ZNF569: variants seen among roughly 807,000 people sequenced by gnomAD.
ZNF569 encodes the protein zinc finger protein 569, also known as DNA-binding protein.
A neutral mutation model predicts 56.3 loss-of-function variants in ZNF569; 38 were observed. The ratio of observed to expected loss-of-function variants is 0.68; its 90% confidence interval spans 0.52 to 0.88. The LOEUF is 0.88. ZNF569 is among the 40% of genes least tolerant of loss of function. ZNF569 has a pLI of 0.00. For synonymous variants in ZNF569, 241 were observed against 262.9 expected (o/e 0.92, Z 0.81); for missense variants, 666 against 809.2 (o/e 0.82, Z 2.15).
intron 2 of ZNF569, among the ~76,000 whole-genome samples, chr19:37,447,234 A>G (rs2041512463): frequency 6.6e-6 from 1 of 152,202 alleles, no homozygotes; most frequent in Non-Finnish European, 1.5e-5. Context: ...CAGCAATCCC[A>G]CTCCTGGGTA....
intron 3 of ZNF569, among the ~76,000 whole-genome samples, chr19:37,433,093 T>C (rs547101656): frequency 6.6e-6 from 1 of 152,054 alleles, no homozygotes; most frequent in East Asian, 1.9e-4. Context: ...TTTGTAGAGA[T>C]GGTAGTCTCA....
At chr19:37,448,471 T>C (rs2041534662) in intron 2 of ZNF569, among the ~76,000 whole-genome samples, 1 of 152,012 alleles carries the variant, frequency 6.6e-6, no homozygotes, top group Non-Finnish European at 1.5e-5. Context: ...TCAACTTTTA[T>C]TGATCTTTTC....
chr19:37,412,392 T>C lies in ZNF569; in HGVS notation c.*205A>G. 1 of 790,466 alleles carries C rather than the reference T, an allele frequency of 1.3e-6. No individual in the cohort carries two copies. Among genetic ancestry groups the C allele is most frequent in the Non-Finnish European group, 1.8e-6 (1 of 566,728 alleles). 49.0% of individuals were successfully genotyped at this position (790,466 alleles called of 1,614,324 possible). On this transcript the variant is annotated 3_prime_UTR_variant, in exon 6 of 6. Coordinates refer to ENST00000316950, the MANE Select transcript of ZNF569 (RefSeq NM_152484.3). ...TGCTGATTAAATATTATCAATAAGA[T>C]GTCTGCTGAAAGTTTCTGGTAACAG...
intron 3 of ZNF569, among the ~76,000 whole-genome samples, chr19:37,441,383 T>C (rs777060732): frequency 6.6e-6 from 1 of 152,154 alleles, no homozygotes; most frequent in Admixed American, 6.5e-5. Flanking sequence ...AGGCTGGGCA[T>C]AGTGGCTCAT....
intron 3 of ZNF569, among the ~76,000 whole-genome samples, chr19:37,435,532 GAC>G (rs1294212053): frequency 6.6e-6 from 1 of 152,058 alleles, no homozygotes; most frequent in African/African-American, 2.4e-5. Context: ...CCAATCAAAA[GAC>G]AGAGTGGCTG....
At chr19:37,432,904 C>CTTTT (rs869051048) in intron 3 of ZNF569, among the ~76,000 whole-genome samples, 11 of 122,504 alleles carry the variant, frequency 9.0e-5, no homozygotes, top group African/African-American at 2.5e-4. Context: ...ATGCATCAGT[C>CTTTT]TTTTTTTTTT....
chr19:37,444,687 A>C (rs757080612), intron 3 of ZNF569, among the ~76,000 whole-genome samples: 1 of 152,196 alleles, frequency 6.6e-6, no homozygotes, highest in Non-Finnish European at 1.5e-5. Context: ...TACCTGTAAA[A>C]AGGAAATTTA....
At chr19:37,460,516 C>T (rs1233566618) in intron 2 of ZNF569, among the ~76,000 whole-genome samples, 4 of 150,814 alleles carry the variant, frequency 2.7e-5, no homozygotes, top group African/African-American at 4.9e-5. Flanking sequence ...AATTAGAAGA[C>T]AGATTGTCAG....
intron 3 of ZNF569, among the ~76,000 whole-genome samples, chr19:37,439,430 A>C (rs1337479241): frequency 6.6e-6 from 1 of 152,228 alleles, no homozygotes; most frequent in Non-Finnish European, 1.5e-5. Flanking sequence ...ATGTGGAGAA[A>C]AGGGAACCCT....
rs772759964 is a variant in ZNF569 at position 37,413,056 on chromosome 19, A to G, written c.1602T>C (p.Ile534=). The change falls in exon 6 of 6, where the codon ATT becomes ATC. Residue 534 remains isoleucine, a synonymous_variant. Coordinates refer to ENST00000316950, the MANE Select transcript of ZNF569 (RefSeq NM_152484.3). ...CNECGKAFSQ[I]ASLTLHLRSH... Reference sequence around the variant, plus strand: ...TTCTCAAATGAAGGGTAAGGGATGCAATTTGAGAGAAGGCTTTACCACATT... The same window carrying G: ...TTCTCAAATGAAGGGTAAGGGATGCGATTTGAGAGAAGGCTTTACCACATT... 1.2e-6 allele frequency: 2 copies of G among 1,613,506 alleles called. No individual in the cohort carries two copies. Among genetic ancestry groups the G allele is most frequent in the East Asian group, 4.5e-5 (2 of 44,798 alleles).
intron 5 of ZNF569, among the ~76,000 whole-genome samples, chr19:37,416,210 G>A (rs2040928413): frequency 6.8e-6 from 1 of 146,270 alleles, no homozygotes; most frequent in Non-Finnish European, 1.5e-5. Flanking sequence ...TAGCCTGGGG[G>A]AAAGATTAAG....
chr19:37,465,610 A>C (rs2041817716), intron 1 of ZNF569, 137 bp from the exon 2 acceptor site: 2 of 152,226 alleles, frequency 1.3e-5, no homozygotes, highest in Admixed American at 1.3e-4. Flanking sequence ...GAGGTTAACA[A>C]AGATTACTAC....
chr19:37,440,311 A>G lies in ZNF569; in HGVS notation c.15+4596T>C, dbSNP rs117573202. On this transcript the variant is annotated intron_variant, in intron 3 of 5. Transcript: ENST00000316950. ...AAAGAAGCCAGACACAAAAGGTCAC[A>G]TATTTTATTATTGTATATATATGAA... Among the ~76,000 whole-genome samples the G allele has an allele frequency of 6.3e-3, 955 of 152,330 alleles. 23 individuals are homozygous for G. The highest frequency in any genetic ancestry group is 0.052 in the East Asian group (271 of 5,190).
At chr19:37,428,122 A>T (rs1341396834) in intron 3 of ZNF569, among the ~76,000 whole-genome samples, 1 of 152,266 alleles carries the variant, frequency 6.6e-6, no homozygotes, top group Non-Finnish European at 1.5e-5. Context: ...ACATTTGAAG[A>T]AAATACTTGG....
chr19:37,416,128 G>A (rs2040926781), intron 5 of ZNF569, among the ~76,000 whole-genome samples: 1 of 151,868 alleles, frequency 6.6e-6, no homozygotes, highest in Non-Finnish European at 1.5e-5. Flanking sequence ...AGCTACTAGG[G>A]AGGCTGAGAT....
At chr19:37,419,903 C>T (rs1390890373) in intron 5 of ZNF569, among the ~76,000 whole-genome samples, 2 of 151,110 alleles carry the variant, frequency 1.3e-5, no homozygotes, top group Non-Finnish European at 2.9e-5. Flanking sequence ...TTGATGGCTG[C>T]TGACTAATCA....
chr19:37,414,773 A>G (rs1376181360), intron 5 of ZNF569, among the ~76,000 whole-genome samples: 1 of 152,208 alleles, frequency 6.6e-6, no homozygotes, highest in Non-Finnish European at 1.5e-5. Context: ...TAAAAAGTAT[A>G]AGATCATTTT....
chr19:37,430,212 TATAG>T (rs2041203211), intron 3 of ZNF569, among the ~76,000 whole-genome samples: 1 of 147,154 alleles, frequency 6.8e-6, no homozygotes, highest in Non-Finnish European at 1.5e-5. Flanking sequence ...AAAAAAAGAA[TATAG>T]ACTCAGAAAT....
chr19:37,436,988 T>G (rs1183739359), intron 3 of ZNF569, among the ~76,000 whole-genome samples: 1 of 143,348 alleles, frequency 7.0e-6, no homozygotes, highest in African/African-American at 2.6e-5. Context: ...AATATTACCC[T>G]GATACGAAAA....
Sources: allele counts gnomAD v4.1 joint callset (sites outside exome capture counted in the v4.1 genomes callset), GRCh38; gene constraint gnomAD v4.1.1; transcripts MANE v1.5; gene names NCBI Gene and HGNC (gene_info 2026-07-23, HGNC 2026-07-21).